Variants in DGKB observed in about 807,000 individuals in gnomAD.
DGKB encodes diacylglycerol kinase beta, also known as 90 kDa diacylglycerol kinase.
In DGKB, 67 loss-of-function variants were observed where a neutral mutation model predicts 114.3. The observed-to-expected ratio is 0.59, with a 90% CI of 0.48 to 0.72. The LOEUF (loss-of-function observed/expected upper bound fraction) is 0.72. Among genes scored for constraint, DGKB ranks in the 30% least tolerant of loss-of-function variants. DGKB has a pLI of 0.00. For missense variants in DGKB, 907 were observed against 975.2 expected, an observed-to-expected ratio of 0.93 and a Z score of 0.93; for synonymous variants, 398 against 323.1, an observed-to-expected ratio of 1.23 and a Z score of -2.49.
chr7:14,800,662 G>A (rs542820334), intron 2 of DGKB, among the ~76,000 whole-genome samples: 4 of 152,300 alleles, frequency 2.6e-5, no homozygotes, highest in Admixed American at 1.3e-4. Flanking sequence ...TTGTCTAGAG[G>A]TTTGGTTCTA....
intron 5 of DGKB, among the ~76,000 whole-genome samples, chr7:14,732,957 T>G (rs1219347414): frequency 6.6e-6 from 1 of 152,188 alleles, no homozygotes; most frequent in Non-Finnish European, 1.5e-5. Flanking sequence ...CCAGAAATAT[T>G]TTCTCTTCTT....
chr7:14,300,625 C>T (rs11981900), intron 23 of DGKB, among the ~76,000 whole-genome samples: 4,614 of 151,852 alleles, frequency 0.03, 226 homozygotes, highest in African/African-American at 0.1. Flanking sequence ...TTTTATATTT[C>T]CTCTCTACAT....
chr7:14,290,664 C>T (rs1801616939), intron 23 of DGKB, among the ~76,000 whole-genome samples: 1 of 152,090 alleles, frequency 6.6e-6, no homozygotes, highest in South Asian at 2.1e-4. Flanking sequence ...ACTAACTACT[C>T]TTCACATGCT....
chr7:14,906,858 C>A (rs910949294), upstream of DGKB, among the ~76,000 whole-genome samples: 1 of 152,036 alleles, frequency 6.6e-6, no homozygotes, highest in African/African-American at 2.4e-5. Flanking sequence ...CTATTATCTG[C>A]AAAGCATTGG....
Position 14,700,572 on chromosome 7 carries a change from A to T in DGKB, c.516+1109T>A, listed in dbSNP as rs189067244. 1.7e-3 allele frequency among the ~76,000 whole-genome samples: 257 copies of T among 152,314 alleles called. 2 individuals are homozygous for T. The highest frequency in any genetic ancestry group is 7.2e-3 in the South Asian group (35 of 4,828). On this transcript the variant is annotated intron_variant, in intron 7 of 25. Transcript: ENST00000402815. ...AATAAATCCCACAATCACAGCATCA[A>T]TTCAGAGTGATGGTCATTTCCTAGA...
upstream of DGKB, chr7:14,903,254 T>TGTGTGTGTGTGTGTGTG (rs1783403502): frequency 2.2e-5 from 3 of 138,128 alleles, no homozygotes; most frequent in Admixed American, 7.7e-5. Flanking sequence ...TGTGTGTGTG[T>TGTGTGTGTGTGTGTGTG]TGAGGAGGAG....
intron 14 of DGKB, among the ~76,000 whole-genome samples, chr7:14,621,747 T>C (rs1807697089): frequency 6.6e-6 from 1 of 152,040 alleles, no homozygotes; most frequent in Non-Finnish European, 1.5e-5. Flanking sequence ...ATGTGCCCAA[T>C]TATGACTCTT....
chr7:14,866,777 G>T (rs1851765353), intron 1 of DGKB, among the ~76,000 whole-genome samples: 1 of 152,100 alleles, frequency 6.6e-6, no homozygotes, highest in Non-Finnish European at 1.5e-5. Context: ...CATATAGAAA[G>T]AATATGATTC....
At chr7:14,555,899 C>T (rs1795798303) in intron 20 of DGKB, among the ~76,000 whole-genome samples, 1 of 152,144 alleles carries the variant, frequency 6.6e-6, no homozygotes, top group African/African-American at 2.4e-5. Context: ...ATTATCCACC[C>T]CTAGTTTAGC....
At chr7:14,610,528 G>A (rs1481816349) in intron 16 of DGKB, among the ~76,000 whole-genome samples, 1 of 152,010 alleles carries the variant, frequency 6.6e-6, no homozygotes, top group Non-Finnish European at 1.5e-5. Context: ...TTTTTTTAAA[G>A]TTAAGGGATA....
intron 17 of DGKB, among the ~76,000 whole-genome samples, chr7:14,594,076 T>C (rs887004289): frequency 1.3e-5 from 2 of 152,124 alleles, no homozygotes; most frequent in African/African-American, 2.4e-5. Flanking sequence ...AATTCTAGAA[T>C]TGCAAATATA....
intron 21 of DGKB, among the ~76,000 whole-genome samples, chr7:14,463,298 C>T (rs186850333): frequency 3.2e-4 from 49 of 152,102 alleles, no homozygotes; most frequent in African/African-American, 9.4e-4. Context: ...ATGTAGGTGA[C>T]GGATCGATGG....
intron 1 of DGKB, among the ~76,000 whole-genome samples, chr7:14,900,084 A>G (rs558380682): frequency 6.6e-6 from 1 of 152,168 alleles, no homozygotes; most frequent in African/African-American, 2.4e-5. Flanking sequence ...CAACTGCTGC[A>G]CTCAAAATAA....
chr7:14,161,671 TG>T (rs575206322), intron 25 of DGKB, among the ~76,000 whole-genome samples: 7 of 127,422 alleles, frequency 5.5e-5, no homozygotes, highest in Non-Finnish European at 8.3e-5. Context: ...TGTTGGGGGG[TG>T]GGGGGCAAGG....
At chr7:14,158,158 C>A (rs1449116660) in intron 25 of DGKB, among the ~76,000 whole-genome samples, 1 of 152,196 alleles carries the variant, frequency 6.6e-6, no homozygotes, top group African/African-American at 2.4e-5. Flanking sequence ...TAAGGCTATG[C>A]ATGTCATATA....
At position 14,238,646 on chromosome 7, in the gene DGKB, G is replaced by A. The variant is rs981195601; in HGVS notation, c.2123-60495C>T. ...AAATGGTACAGGACAGAGGGTTAAA[G>A]TTGTTGTCTTCTGTAGAGAGAAGAG... is the stretch of plus-strand genomic sequence containing the variant. On this transcript the variant is annotated intron_variant, in intron 23 of 25. Coordinates refer to ENST00000402815, the MANE Select transcript of DGKB (RefSeq NM_001350709.2). 6.6e-5 allele frequency among the ~76,000 whole-genome samples: 10 copies of A among 151,872 alleles called. 1 individual carries two copies. Among genetic ancestry groups the A allele is most frequent in the Admixed American group, 6.6e-4 (10 of 15,188 alleles).
chr7:14,631,480 G>T (rs191459551), intron 13 of DGKB, among the ~76,000 whole-genome samples: 7 of 152,034 alleles, frequency 4.6e-5, no homozygotes, highest in Admixed American at 2.0e-4. Context: ...TAAGTAGAAA[G>T]TACTGTAGCT....
chr7:14,511,466 G>C (rs540624700), intron 20 of DGKB, among the ~76,000 whole-genome samples: 3 of 152,330 alleles, frequency 2.0e-5, no homozygotes, highest in Non-Finnish European at 4.4e-5. Flanking sequence ...ACTGAAGAGA[G>C]TTAGGGTCTT....
intron 1 of DGKB, among the ~76,000 whole-genome samples, chr7:14,890,718 G>A (rs777486002): frequency 3.3e-5 from 5 of 151,172 alleles, no homozygotes; most frequent in East Asian, 2.0e-4. Flanking sequence ...TTCTCCTCAC[G>A]TGTGTGACCT....
Sources: gnomAD v4.1 joint callset for allele counts (sites outside exome capture counted in the v4.1 genomes callset) on GRCh38, gnomAD v4.1.1 for gene constraint, MANE v1.5 for transcripts, NCBI Gene and HGNC (gene_info 2026-07-23, HGNC 2026-07-21) for gene names.